Variants in TNIK observed in about 807,000 individuals in gnomAD.
TNIK encodes TRAF2 and NCK-interacting protein kinase.
In TNIK, 49 loss-of-function variants were observed where a neutral mutation model predicts 191.3. That is an observed-to-expected ratio of 0.26 (90% confidence interval 0.20 to 0.32). TNIK has a LOEUF of 0.32. Ranked by LOEUF, TNIK falls within the 10% of genes least tolerant of loss-of-function variation. The probability of loss-of-function intolerance (pLI) is 1.00; values close to 1 mark genes in which losing one functional copy is unlikely to be tolerated. For missense variants in TNIK, 1,155 were observed against 1,702.3 expected, an observed-to-expected ratio of 0.68 and a Z score of 5.66; for synonymous variants, 594 against 600.9, an observed-to-expected ratio of 0.99 and a Z score of 0.17.
intron 2 of TNIK, among the ~76,000 whole-genome samples, chr3:171,250,128 T>C (rs1355471043): frequency 6.6e-6 from 1 of 152,232 alleles, no homozygotes; most frequent in Non-Finnish European, 1.5e-5. Flanking sequence ...TATAGCTTGA[T>C]GGCACATGTT....
intron 2 of TNIK, among the ~76,000 whole-genome samples, chr3:171,276,062 C>T (rs1328251658): frequency 6.6e-6 from 1 of 152,084 alleles, no homozygotes; most frequent in Non-Finnish European, 1.5e-5. Context: ...TCTTCCCCTC[C>T]ACTCCATTCT....
chr3:171,071,476 T>TC, intron 28 of TNIK, 153 bp from the exon 29 acceptor site: 1 of 648,290 alleles, frequency 1.5e-6, no homozygotes, highest in Non-Finnish European at 2.5e-6. Context: ...TGGGATTTTT[T>TC]CATAGATACT....
At chr3:171,415,998 G>GAAAAAAAAAA (rs58082222) in intron 1 of TNIK, among the ~76,000 whole-genome samples, 2 of 86,692 alleles carry the variant, frequency 2.3e-5, no homozygotes, top group Non-Finnish European at 4.2e-5. Context: ...AAAAAAAAAA[G>GAAAAAAAAAA]AAAGAAAAAG....
chr3:171,075,629 C>G (rs1312779148), intron 28 of TNIK, among the ~76,000 whole-genome samples: 1 of 152,062 alleles, frequency 6.6e-6, no homozygotes, highest in Non-Finnish European at 1.5e-5. Flanking sequence ...TACTTCTTAA[C>G]TGATTTCCCT....
rs145830284 is a variant in TNIK, at chr3:171,448,973, A to T, written c.57+11034T>A. Among the ~76,000 whole-genome samples, 288 of 151,456 alleles carry T rather than the reference A, an allele frequency of 1.9e-3. 1 individual carries two copies. The highest frequency in any genetic ancestry group is 6.6e-3 in the African/African-American group (273 of 41,220). ...TGTGTACATATGTTCTCATTGTTCA[A>T]CTCCCACTTATGAGTAAGAACATAC... On this transcript the variant is annotated intron_variant, in intron 1 of 32. Transcript: ENST00000436636.
At chr3:171,298,994 C>A (rs1752612258) in intron 2 of TNIK, among the ~76,000 whole-genome samples, 1 of 152,142 alleles carries the variant, frequency 6.6e-6, no homozygotes, top group Admixed American at 6.5e-5. Context: ...CAAAGCTTAG[C>A]CACAGTCTGA....
At chr3:171,383,225 G>A (rs1027858340) in intron 1 of TNIK, among the ~76,000 whole-genome samples, 1 of 152,188 alleles carries the variant, frequency 6.6e-6, no homozygotes, top group Non-Finnish European at 1.5e-5. Context: ...TTTACAAGGT[G>A]CCTACGTTCA....
intron 1 of TNIK, among the ~76,000 whole-genome samples, chr3:171,396,545 G>T (rs1415355979): frequency 1.3e-5 from 2 of 152,168 alleles, no homozygotes; most frequent in Admixed American, 6.5e-5. Flanking sequence ...CTTTTATACT[G>T]ATCTCCAGGT....
intron 2 of TNIK, among the ~76,000 whole-genome samples, chr3:171,229,801 G>A (rs1162003490): frequency 2.6e-5 from 4 of 152,072 alleles, no homozygotes; most frequent in African/African-American, 9.7e-5. Context: ...AGAGCACAAA[G>A]AAGGGGACAG....
At chr3:171,446,755 T>C (rs1727546502) in intron 1 of TNIK, among the ~76,000 whole-genome samples, 1 of 152,236 alleles carries the variant, frequency 6.6e-6, no homozygotes, top group Admixed American at 6.5e-5. Context: ...TATTCTATCA[T>C]GGCCGTAGCT....
At chr3:171,113,322 T>G (rs1726143886) in intron 18 of TNIK, among the ~76,000 whole-genome samples, 1 of 152,202 alleles carries the variant, frequency 6.6e-6, no homozygotes. Flanking sequence ...AAATGCTAAT[T>G]CGGCCAGGCA....
intron 12 of TNIK, among the ~76,000 whole-genome samples, chr3:171,153,567 T>C (rs1316343558): frequency 1.3e-5 from 2 of 152,214 alleles, no homozygotes; most frequent in East Asian, 1.9e-4. Context: ...TCACACTCTC[T>C]GGCCTAGACT....
At chr3:171,448,125 G>A (rs1727729950) in intron 1 of TNIK, among the ~76,000 whole-genome samples, 1 of 152,128 alleles carries the variant, frequency 6.6e-6, no homozygotes, top group Non-Finnish European at 1.5e-5. Flanking sequence ...TTGTTCAGTA[G>A]AGAGATTATT....
intron 4 of TNIK, among the ~76,000 whole-genome samples, chr3:171,198,863 C>T (rs1427615634): frequency 1.3e-5 from 2 of 152,136 alleles, no homozygotes; most frequent in Non-Finnish European, 2.9e-5. Flanking sequence ...ATGTTTGTGT[C>T]CCTTCTCTAA....
intron 2 of TNIK, among the ~76,000 whole-genome samples, chr3:171,239,004 T>A (rs1476170378): frequency 3.3e-5 from 5 of 152,222 alleles, no homozygotes; most frequent in African/African-American, 1.2e-4. Flanking sequence ...ATTCTAAATT[T>A]TTAAAAAACC....
At chr3:171,275,546 CAGAAA>C (rs1469353878) in intron 2 of TNIK, among the ~76,000 whole-genome samples, 1 of 152,032 alleles carries the variant, frequency 6.6e-6, no homozygotes, top group Non-Finnish European at 1.5e-5. Flanking sequence ...AAGGATGAAT[CAGAAA>C]AGATTCTAAT....
chr3:171,437,788 T>A (rs1183975519), intron 1 of TNIK, among the ~76,000 whole-genome samples: 3 of 152,236 alleles, frequency 2.0e-5, no homozygotes, highest in East Asian at 1.9e-4. Flanking sequence ...TTAGAAAGAA[T>A]CTTTCTTGCT....
At chr3:171,193,658 A>T (rs1738325611) in intron 5 of TNIK, among the ~76,000 whole-genome samples, 1 of 152,220 alleles carries the variant, frequency 6.6e-6, no homozygotes, top group Admixed American at 6.5e-5. Flanking sequence ...CACCCAAAGC[A>T]TACAATCTAT....
chr3:171,226,973 T>C (rs1158552963), intron 3 of TNIK, among the ~76,000 whole-genome samples: 1 of 152,162 alleles, frequency 6.6e-6, no homozygotes, highest in African/African-American at 2.4e-5. Context: ...GTTTTTCTTA[T>C]TTTCTTTTGT....
Sources: allele counts gnomAD v4.1 joint callset (sites outside exome capture counted in the v4.1 genomes callset), GRCh38; gene constraint gnomAD v4.1.1; transcripts MANE v1.5; gene names NCBI Gene and HGNC (gene_info 2026-07-23, HGNC 2026-07-21).